The following OPRD1 variants were observed in gnomAD, a reference collection of about 807,000 sequenced individuals.
The protein encoded by OPRD1 is delta-type opioid receptor.
A neutral mutation model predicts 17.5 loss-of-function variants in OPRD1; 19 were observed. The ratio of observed to expected loss-of-function variants is 1.09; its 90% CI spans 0.76 to 1.60. The LOEUF is 1.60. Among genes scored for constraint, OPRD1 ranks in the 40% most tolerant of loss-of-function variants. The pLI, the probability that OPRD1 is intolerant of heterozygous loss-of-function variation, is 0.00. For missense variants in OPRD1, 483 were observed against 547.2 expected (o/e 0.88, Z 1.17); for synonymous variants, 256 against 240.9 (o/e 1.06, Z -0.58).
At chr1:28,823,190 C>CTTTTTTT (rs773578102) in intron 1 of OPRD1, among the ~76,000 whole-genome samples, 22 of 101,898 alleles carry the variant, frequency 2.2e-4, no homozygotes, top group Non-Finnish European at 3.1e-4. Context: ...CTTCTGTAGT[C>CTTTTTTT]TTTTTTTTTT....
Position 28,867,663 on chromosome 1 carries a change from G to A in OPRD1, c.*4380G>A. On this transcript the variant is annotated 3_prime_UTR_variant, in exon 3 of 3. Coordinates refer to ENST00000234961, the MANE Select transcript of OPRD1 (RefSeq NM_000911.4). ...AGCTCTCATACCTCGTCTTGATGCAGTAGAAGTAGTGGTTAAGCCTGGAAT... is the reference window on the plus strand; with the variant it reads ...AGCTCTCATACCTCGTCTTGATGCAATAGAAGTAGTGGTTAAGCCTGGAAT... 1 of 152,676 alleles carries A rather than the reference G, an allele frequency of 6.5e-6. No homozygotes were observed. The highest frequency in any genetic ancestry group is 1.5e-5 in the Non-Finnish European group (1 of 68,324). The allele number at this position is 152,676 out of a possible 1,614,324, so 9.5% of individuals were successfully genotyped here.
At chr1:28,834,093 G>A (rs1230752666) in intron 1 of OPRD1, among the ~76,000 whole-genome samples, 1 of 151,994 alleles carries the variant, frequency 6.6e-6, no homozygotes, top group African/African-American at 2.4e-5. Context: ...TGTATTTTTA[G>A]TAGAGACAGG....
intron 1 of OPRD1, among the ~76,000 whole-genome samples, chr1:28,840,767 T>C (rs1331427180): frequency 1.3e-5 from 2 of 151,454 alleles, no homozygotes; most frequent in East Asian, 3.9e-4. Context: ...ACTAAAAATA[T>C]GAAAATTAGC....
At chr1:28,855,791 G>A (rs1193113120) in intron 1 of OPRD1, among the ~76,000 whole-genome samples, 1 of 152,162 alleles carries the variant, frequency 6.6e-6, no homozygotes, top group Non-Finnish European at 1.5e-5. Context: ...GGTTGAGACC[G>A]CCTCCCACAC....
At chr1:28,845,366 A>C (rs546700561) in intron 1 of OPRD1, among the ~76,000 whole-genome samples, 1 of 151,804 alleles carries the variant, frequency 6.6e-6, no homozygotes, top group South Asian at 2.1e-4. Context: ...GTGGGAGCCT[A>C]TAATCCCAGG....
chr1:28,867,864 C>T lies in OPRD1; in HGVS notation c.*4581C>T, dbSNP rs2089188511. The stretch of plus-strand genomic sequence containing the variant: ...TACAAGTGGAGCCAGGGTTCAGGGT[C>T]AGAGCTAGAGACCTACAGGGAAGAG... On this transcript the variant is annotated 3_prime_UTR_variant, in exon 3 of 3. Transcript: ENST00000234961. The T allele has an allele frequency of 6.6e-6, 1 of 152,368 alleles. No homozygotes were observed. 9.4% of individuals were successfully genotyped at this position (152,368 alleles called of 1,614,324 possible).
Position 28,862,867 on chromosome 1 carries a change from C to T in OPRD1, c.703C>T (p.Leu235Phe). ...PILIITVCYG[L>F]MLLRLRSVRL... is the part of the protein sequence containing the mutation. ...CCTCATCATCACCGTGTGCTATGGC[C>T]TCATGCTGCTGCGCCTGCGCAGTGT... The change falls in exon 3 of 3, where the codon CTC becomes TTC. Residue 235 changes from leucine to phenylalanine, a missense_variant. Physicochemically the swap from Leu to Phe is conservative, Grantham distance 22 (BLOSUM62 0). Coordinates refer to ENST00000234961, the MANE Select transcript of OPRD1 (RefSeq NM_000911.4). The T allele has an allele frequency of 6.2e-7, 1 of 1,612,716 alleles. No homozygotes were observed. The highest frequency in any genetic ancestry group is 8.5e-7 in the Non-Finnish European group (1 of 1,180,026).
At chr1:28,858,182 C>T (rs2089075917) in intron 1 of OPRD1, among the ~76,000 whole-genome samples, 2 of 147,364 alleles carry the variant, frequency 1.4e-5, no homozygotes, top group South Asian at 4.3e-4. Flanking sequence ...GGCGCAATCT[C>T]GGCTCACTGC....
rs563537877 is a variant in OPRD1, at chr1:28,832,425, C to T, written c.227+19815C>T. 8.7e-4 allele frequency among the ~76,000 whole-genome samples: 132 copies of T among 152,090 alleles called. 1 individual carries two copies. Among genetic ancestry groups the T allele is most frequent in the Non-Finnish European group, 1.6e-3 (109 of 67,984 alleles). On this transcript the variant is annotated intron_variant, in intron 1 of 2. Transcript: ENST00000234961. ...TCGAGCCCAGGAGTTCAAGACCAAC[C>T]TGGGCAGCACAGGGAGACCCCATTT...
chr1:28,816,263 T>C (rs1557566946), intron 1 of OPRD1, among the ~76,000 whole-genome samples: 1 of 151,994 alleles, frequency 6.6e-6, no homozygotes, highest in Non-Finnish European at 1.5e-5. Flanking sequence ...GTAGCTGTGG[T>C]AGGGGCTATC....
chr1:28,836,018 G>A (rs111361683), intron 1 of OPRD1, among the ~76,000 whole-genome samples: 3 of 152,268 alleles, frequency 2.0e-5, no homozygotes, highest in African/African-American at 7.2e-5. Flanking sequence ...GCTCGTAAAC[G>A]CTCTACCCAG....
chr1:28,836,824 C>T (rs1453317197), intron 1 of OPRD1, among the ~76,000 whole-genome samples: 1 of 152,052 alleles, frequency 6.6e-6, no homozygotes, highest in East Asian at 1.9e-4. Context: ...GTAGCTGGGA[C>T]CAGTGTGTGC....
Position 28,859,244 on chromosome 1 carries a change from G to C in OPRD1, c.518G>C (p.Trp173Ser). The C allele has an allele frequency of 6.2e-7, 1 of 1,614,260 alleles. No homozygotes were observed. Among genetic ancestry groups the C allele is most frequent in the Non-Finnish European group, 8.5e-7 (1 of 1,180,054 alleles). Residue 173 changes from tryptophan to serine, a missense_variant, in exon 2 of 3, where the codon TGG (tryptophan) becomes TCG (serine). By Grantham distance (177) the Trp-to-Ser change is radical (BLOSUM62 -3). Coordinates refer to ENST00000234961, the MANE Select transcript of OPRD1 (RefSeq NM_000911.4). ...AKAKLINICI[W>S]VLASGVGVPI... is the part of the protein sequence containing the mutation. ...GCCAAGCTGATCAACATCTGTATCT[G>C]GGTCCTGGCCTCAGGCGTTGGCGTG...
In OPRD1 at chr1:28,812,603, A is replaced by T; in HGVS notation, c.220A>T (p.Ile74Phe). 6.5e-7 allele frequency: 1 copy of T among 1,534,018 alleles called. No homozygotes were observed. The highest frequency in any genetic ancestry group is 8.7e-7 in the Non-Finnish European group (1 of 1,145,214). The change falls in exon 1 of 3, where the codon ATC (isoleucine) becomes TTC (phenylalanine). Residue 74 changes from isoleucine to phenylalanine, a missense_variant. Ile to Phe is a conservative substitution (Grantham distance 21). Coordinates refer to ENST00000234961, the MANE Select transcript of OPRD1 (RefSeq NM_000911.4). ...LLGNVLVMFG[I>F]VRYTKMKTAT... ...GGGCAACGTGCTTGTCATGTTCGGCATCGTCCGGTGAGTCCGCTGCGGGCC... is the reference window on the plus strand; with the variant it reads ...GGGCAACGTGCTTGTCATGTTCGGCTTCGTCCGGTGAGTCCGCTGCGGGCC...
At chr1:28,821,977 G>A (rs1438586141) in intron 1 of OPRD1, among the ~76,000 whole-genome samples, 1 of 150,530 alleles carries the variant, frequency 6.6e-6, no homozygotes, top group African/African-American at 2.5e-5. Flanking sequence ...TTGAGATGGA[G>A]TTTTGCTCTT....
chr1:28,868,081 GATA>G lies in OPRD1; in HGVS notation c.*4801_*4803del, dbSNP rs1198249229. On this transcript the variant is annotated 3_prime_UTR_variant, in exon 3 of 3. Transcript: ENST00000234961. ...GCGTTCCCAGGAGGAGGGAGTGATG[GATA>G]ATGTCAAGTGTCATAAGAGAGGATG... 6.6e-6 allele frequency: 1 copy of G among 152,422 alleles called. No homozygotes were observed. The highest frequency in any genetic ancestry group is 1.5e-5 in the Non-Finnish European group (1 of 68,120). The allele number at this position is 152,422 out of a possible 1,614,324, so 9.4% of individuals were successfully genotyped here.
At chr1:28,833,089 C>T (rs544361852) in intron 1 of OPRD1, among the ~76,000 whole-genome samples, 1 of 152,304 alleles carries the variant, frequency 6.6e-6, no homozygotes, top group African/African-American at 2.4e-5. Context: ...AGGCTCTCTA[C>T]AGGAGACCTT....
chr1:28,860,224 G>C (rs2089101129), intron 2 of OPRD1, among the ~76,000 whole-genome samples: 1 of 152,116 alleles, frequency 6.6e-6, no homozygotes, highest in South Asian at 2.1e-4. Flanking sequence ...AATTAGCCAG[G>C]CGTGGTGGTG....
chr1:28,834,931 T>C (rs1207780574), intron 1 of OPRD1, among the ~76,000 whole-genome samples: 2 of 152,134 alleles, frequency 1.3e-5, no homozygotes, highest in African/African-American at 4.8e-5. Flanking sequence ...GTTCCCACAG[T>C]GTCCTGTGTG....
Sources: gnomAD v4.1 joint callset for allele counts (sites outside exome capture counted in the v4.1 genomes callset) on GRCh38, gnomAD v4.1.1 for gene constraint, MANE v1.5 for transcripts, NCBI Gene and HGNC (gene_info 2026-07-23, HGNC 2026-07-21) for gene names.